The following CXADR variants were observed in gnomAD, a reference collection of about 807,000 sequenced individuals.
CXADR encodes the protein coxsackievirus and adenovirus receptor.
CXADR carries 20 observed loss-of-function variants against 40.3 expected under a neutral mutation model. That is an observed-to-expected ratio of 0.50 (90% CI 0.35 to 0.72). The LOEUF is 0.72. CXADR is among the 30% of genes least tolerant of loss of function. The probability of loss-of-function intolerance (pLI) is 0.01; values close to 1 mark genes in which losing one functional copy is unlikely to be tolerated. For missense variants in CXADR, 332 were observed against 449.1 expected (o/e 0.74, Z 2.36); for synonymous variants, 150 against 161.3 (o/e 0.93, Z 0.53).
At chr21:17,630,576 C>T in the CXADR span, among the ~76,000 whole-genome samples, 5 of 151,178 alleles carry the variant, frequency 3.3e-5, no homozygotes, top group East Asian at 3.9e-4. Context: ...TGAATGGTAA[C>T]GCAAAGTCCA....
intron 1 of CXADR, among the ~76,000 whole-genome samples, chr21:17,531,336 A>T (rs2123168417): frequency 6.6e-6 from 1 of 152,074 alleles, no homozygotes; most frequent in Non-Finnish European, 1.5e-5. Flanking sequence ...AAGTTAAGAA[A>T]GTTCCAGTTG....
chr21:17,599,429 T>C, the CXADR span, among the ~76,000 whole-genome samples: 2 of 151,804 alleles, frequency 1.3e-5, no homozygotes, highest in East Asian at 1.9e-4. Flanking sequence ...ATCCACCCAC[T>C]TCAGCTACCC....
intron 7 of CXADR, among the ~76,000 whole-genome samples, chr21:17,579,078 TAACTAGAAGCAGGGC>T (rs2061341641): frequency 6.6e-6 from 1 of 152,034 alleles, no homozygotes; most frequent in Admixed American, 6.6e-5. Flanking sequence ...GACGGCACAG[TAACTAGAAGCAGGGC>T]AAAGGTTAGT....
downstream of CXADR, among the ~76,000 whole-genome samples, chr21:17,570,499 T>C (rs1784915): frequency 0.14 from 20,575 of 152,112 alleles, 1,583 homozygotes; most frequent in African/African-American, 0.2. Flanking sequence ...TACCTTCTGT[T>C]TCAAAGATGG....
At position 17,567,680 on chromosome 21, in the gene CXADR, G is replaced by A. The variant is rs187257859; in HGVS notation, c.*1988G>A. 5.3e-4 allele frequency: 502 copies of A among 943,450 alleles called. 3 individuals carry two copies. In the African/African-American group the frequency reaches 8.3e-3, roughly 16 times the overall value. 58.4% of individuals were successfully genotyped at this position (943,450 alleles called of 1,614,324 possible). ...CAGTAGCCATTTTTGAAAGTCAGAT[G>A]TTTGGCCTGTTTTATATGAATAAAG... On this transcript the variant is annotated 3_prime_UTR_variant, in exon 7 of 7. Transcript: ENST00000284878.
intron 1 of CXADR, 83 bp downstream of exon 1, chr21:17,513,255 T>G (rs2060414107): frequency 1.6e-6 from 2 of 1,251,962 alleles, no homozygotes; most frequent in Admixed American, 4.2e-5. Context: ...CAATGGGGCG[T>G]GGGGGAGGGG....
intron 1 of CXADR, chr21:17,527,115 C>T (rs1037791097): frequency 1.3e-5 from 2 of 152,116 alleles, no homozygotes; most frequent in African/African-American, 2.4e-5. Flanking sequence ...TATACTATTT[C>T]GGTTGAAAAG....
At chr21:17,616,769 G>C in the CXADR span, among the ~76,000 whole-genome samples, 1 of 152,124 alleles carries the variant, frequency 6.6e-6, no homozygotes, top group South Asian at 2.1e-4. Flanking sequence ...AGTAAGATCT[G>C]AGACTATAAT....
At chr21:17,592,863 C>CTT (rs2061452074) in intron 7 of CXADR, among the ~76,000 whole-genome samples, 1 of 114,772 alleles carries the variant, frequency 8.7e-6, no homozygotes, top group Non-Finnish European at 1.7e-5. Context: ...AAGTTGCAAA[C>CTT]TTTAAAAACT....
At chr21:17,574,756 G>T (rs890818846), downstream of CXADR, among the ~76,000 whole-genome samples, 1 of 152,168 alleles carries the variant, frequency 6.6e-6, no homozygotes, top group African/African-American at 2.4e-5. Context: ...ATGTTCAGAA[G>T]TGAAGCTAAG....
chr21:17,559,667 GGGTTTTTTTTT>G (rs1176138271), intron 4 of CXADR, among the ~76,000 whole-genome samples: 1 of 16,530 alleles, frequency 6.0e-5, no homozygotes, highest in Admixed American at 7.0e-4. Context: ...ACTTTTTTTT[GGGTTTTTTTTT>G]TTTTTTTTTT....
chr21:17,621,057 C>A, the CXADR span, among the ~76,000 whole-genome samples: 2 of 152,290 alleles, frequency 1.3e-5, no homozygotes, highest in African/African-American at 4.8e-5. Flanking sequence ...TTGATATCCA[C>A]CCACATTATT....
intron 7 of CXADR, among the ~76,000 whole-genome samples, chr21:17,592,976 G>A (rs975525779): frequency 3.0e-4 from 45 of 151,938 alleles, no homozygotes; most frequent in African/African-American, 1.1e-3. Context: ...GAATAGCCAT[G>A]GCCATTCAAT....
chr21:17,616,520 A>T, the CXADR span, among the ~76,000 whole-genome samples: 1 of 151,820 alleles, frequency 6.6e-6, no homozygotes, highest in Non-Finnish European at 1.5e-5. Flanking sequence ...TGTTTTTAGT[A>T]GAGACAAGGT....
intron 1 of CXADR, among the ~76,000 whole-genome samples, chr21:17,545,363 C>T (rs1333097844): frequency 6.6e-6 from 1 of 151,946 alleles, no homozygotes; most frequent in Non-Finnish European, 1.5e-5. Flanking sequence ...GCTATGCATA[C>T]TTTTATAGTA....
Position 17,546,961 on chromosome 21 carries a change from G to A in CXADR, c.44-66G>A, listed in dbSNP as rs560908504. ...ATCAATGTGCTGCTTCTGAATGGCT[G>A]CGGGGCACTGTGTGGGCTGTCAGCG... On this transcript the variant is annotated intron_variant, in intron 1 of 6. Coordinates refer to ENST00000284878, the MANE Select transcript of CXADR (RefSeq NM_001338.5). 2.7e-5 allele frequency: 42 copies of A among 1,574,600 alleles called. No individual in the cohort carries two copies. In the African/African-American group the frequency reaches 2.8e-4, roughly 11 times the overall value.
chr21:17,547,158 A>T lies in CXADR; in HGVS notation c.175A>T (p.Ile59Leu), dbSNP rs1179446033. The change falls in exon 2 of 7, where the codon ATA becomes TTA. Residue 59 changes from isoleucine to leucine, a missense_variant. Physicochemically the swap from Ile to Leu is conservative, Grantham distance 5. Coordinates refer to ENST00000284878, the MANE Select transcript of CXADR (RefSeq NM_001338.5). ...DQGPLDIEWL[I>L]SPADNQKVDQ... ...GGGACCGCTGGACATCGAGTGGCTG[A>T]TATCACCAGCTGATAATCAGAAGGT... The T allele has an allele frequency of 6.2e-7, 1 of 1,614,192 alleles. No individual in the cohort carries two copies. Among genetic ancestry groups the T allele is most frequent in the Admixed American group, 1.7e-5 (1 of 60,026 alleles).
chr21:17,571,539 C>CT (rs1569146124), downstream of CXADR, among the ~76,000 whole-genome samples: 1 of 152,042 alleles, frequency 6.6e-6, no homozygotes, highest in African/African-American at 2.4e-5. Context: ...TATGAAGTAA[C>CT]TTATTATTCA....
intron 1 of CXADR, among the ~76,000 whole-genome samples, chr21:17,513,567 C>G (rs577643204): frequency 6.6e-6 from 1 of 152,344 alleles, no homozygotes; most frequent in South Asian, 2.1e-4. Flanking sequence ...TACCCGATTT[C>G]AAAAACCTTG....
Sources: allele counts gnomAD v4.1 joint callset (sites outside exome capture counted in the v4.1 genomes callset), GRCh38; gene constraint gnomAD v4.1.1; transcripts MANE v1.5; gene names NCBI Gene and HGNC (gene_info 2026-07-23, HGNC 2026-07-21).